Variants in KDM4B observed in about 807,000 individuals in gnomAD.
KDM4B encodes the protein lysine-specific demethylase 4B.
In KDM4B, 32 loss-of-function variants were observed where a neutral mutation model predicts 125.2. The observed-to-expected ratio is 0.26, with a 90% confidence interval of 0.19 to 0.34. KDM4B has a LOEUF of 0.34. Among genes scored for constraint, KDM4B ranks in the 10% least tolerant of loss-of-function variants. The pLI, the probability that KDM4B is intolerant of heterozygous loss-of-function variation, is 1.00. For missense variants in KDM4B, 1,190 were observed against 1,577.7 expected (o/e 0.75, Z 4.16); for synonymous variants, 721 against 677.9 (o/e 1.06, Z -0.99).
chr19:5,002,108 C>T (rs1028249292), intron 1 of KDM4B, among the ~76,000 whole-genome samples: 1 of 152,128 alleles, frequency 6.6e-6, no homozygotes, highest in Non-Finnish European at 1.5e-5. Context: ...AGCAATTCTC[C>T]TGCCTCAGCC....
At chr19:5,133,794 G>A in intron 13 of KDM4B, 89 bp from the exon 14 acceptor site, 1 of 1,406,810 alleles carries the variant, frequency 7.1e-7, no homozygotes, top group East Asian at 2.3e-5. Flanking sequence ...TGTAGACCCG[G>A]GGCCATCCCC....
rs536700624 is a variant in KDM4B, at chr19:5,050,983, C to G, written c.626+3314C>G. On this transcript the variant is annotated intron_variant, in intron 6 of 22. Coordinates refer to ENST00000159111, the MANE Select transcript of KDM4B (RefSeq NM_015015.3). ...TTTAGCCGAGCTGACCCTCCAAGGCCGGTCCTGCGGCTGTTCCCCTCCAGG... is the reference window on the plus strand; with the variant it reads ...TTTAGCCGAGCTGACCCTCCAAGGCGGGTCCTGCGGCTGTTCCCCTCCAGG... Among the ~76,000 whole-genome samples, 669 of 152,304 alleles carry G rather than the reference C, an allele frequency of 4.4e-3. 2 individuals are homozygous for G. The highest frequency in any genetic ancestry group is 8.4e-3 in the Non-Finnish European group (573 of 68,018).
intron 1 of KDM4B, among the ~76,000 whole-genome samples, chr19:4,994,441 T>A (rs1237795443): frequency 1.3e-5 from 2 of 151,908 alleles, no homozygotes; most frequent in Non-Finnish European, 2.9e-5. Flanking sequence ...CGCATGCCTG[T>A]AGTCCCAGCT....
chr19:5,151,618 G>C lies in KDM4B; in HGVS notation c.*107G>C. ...TCCTCGTGTCCCCGACCCCCGAGAG[G>C]CCACCTCCAAGCCGCGGGTGCCCCC... is the stretch of plus-strand genomic sequence containing the variant. On this transcript the variant is annotated 3_prime_UTR_variant, in exon 23 of 23. Coordinates refer to ENST00000159111, the MANE Select transcript of KDM4B (RefSeq NM_015015.3). 9.4e-7 allele frequency: 1 copy of C among 1,058,486 alleles called. No individual in the cohort carries two copies. Among genetic ancestry groups the C allele is most frequent in the Non-Finnish European group, 1.2e-6 (1 of 822,704 alleles). 65.6% of individuals were successfully genotyped at this position (1,058,486 alleles called of 1,614,324 possible). A position where few individuals can be genotyped will look rare whatever the true frequency, so the allele number is the denominator to read the frequency against.
chr19:5,110,404 C>T (rs543963459), intron 9 of KDM4B, among the ~76,000 whole-genome samples: 14 of 151,412 alleles, frequency 9.2e-5, no homozygotes, highest in African/African-American at 1.7e-4. Context: ...CCTGAGAGGT[C>T]GAGGCTACAA....
At chr19:4,974,167 G>A (rs2034361297) in intron 1 of KDM4B, among the ~76,000 whole-genome samples, 1 of 151,970 alleles carries the variant, frequency 6.6e-6, no homozygotes, top group Non-Finnish European at 1.5e-5. Flanking sequence ...GGGAGCCAAG[G>A]CGGGCAGATC....
At chr19:4,973,832 A>G (rs2034345488) in intron 1 of KDM4B, among the ~76,000 whole-genome samples, 1 of 150,428 alleles carries the variant, frequency 6.6e-6, no homozygotes, top group African/African-American at 2.4e-5. Flanking sequence ...ATTAAAAAAA[A>G]AAAAAAAAAA....
intron 2 of KDM4B, among the ~76,000 whole-genome samples, chr19:5,020,133 G>A (rs2036061675): frequency 9.0e-6 from 1 of 110,886 alleles, no homozygotes; most frequent in African/African-American, 2.7e-5. Context: ...GCAGGTGTTG[G>A]TGTGGATGTT....
At chr19:5,113,707 AGG>A (rs1387852770) in intron 10 of KDM4B, among the ~76,000 whole-genome samples, 9 of 152,116 alleles carry the variant, frequency 5.9e-5, no homozygotes, top group Non-Finnish European at 1.0e-4. Flanking sequence ...ACTCCATGCC[AGG>A]AGTGCCCCAA....
At chr19:4,983,925 C>A (rs571651784) in intron 1 of KDM4B, among the ~76,000 whole-genome samples, 26 of 152,136 alleles carry the variant, frequency 1.7e-4, no homozygotes, top group Admixed American at 3.3e-4. Context: ...GTGGGGGTGG[C>A]TCTGCAGGTC....
At chr19:5,052,974 C>T (rs914298842) in intron 6 of KDM4B, among the ~76,000 whole-genome samples, 14 of 152,228 alleles carry the variant, frequency 9.2e-5, no homozygotes, top group Non-Finnish European at 1.5e-4. Flanking sequence ...TCCTCCCAGC[C>T]GCTTTGCTCT....
intron 8 of KDM4B, 100 bp downstream of exon 8, chr19:5,077,570 G>A: frequency 9.8e-7 from 1 of 1,023,686 alleles, no homozygotes; most frequent in Admixed American, 1.9e-5. Flanking sequence ...TTTAACCCTG[G>A]AGAAGTTTCT....
chr19:5,001,291 T>C (rs1033179567), intron 1 of KDM4B, among the ~76,000 whole-genome samples: 2 of 152,134 alleles, frequency 1.3e-5, no homozygotes, highest in Admixed American at 1.3e-4. Flanking sequence ...CCCAAAGTGC[T>C]GGAATTACAG....
At chr19:5,014,050 C>G (rs887955317) in intron 1 of KDM4B, among the ~76,000 whole-genome samples, 2 of 152,314 alleles carry the variant, frequency 1.3e-5, no homozygotes, top group South Asian at 4.1e-4. Flanking sequence ...ATATGGAAGT[C>G]GGGTGAATGA....
chr19:5,119,625 C>T (rs1404210619), intron 10 of KDM4B, 28 bp from the exon 11 acceptor site: 19 of 1,548,270 alleles, frequency 1.2e-5, no homozygotes, highest in Non-Finnish European at 1.5e-5. Context: ...CTGGTCTCCC[C>T]TCCTGCCTGA....
At chr19:4,978,335 C>T (rs1204298665) in intron 1 of KDM4B, among the ~76,000 whole-genome samples, 1 of 151,590 alleles carries the variant, frequency 6.6e-6, no homozygotes, top group African/African-American at 2.4e-5. Flanking sequence ...GGTGAAACCC[C>T]ATCTCTACTA....
At chr19:5,055,867 A>G (rs2037378956) in intron 6 of KDM4B, among the ~76,000 whole-genome samples, 1 of 152,140 alleles carries the variant, frequency 6.6e-6, no homozygotes, top group South Asian at 2.1e-4. Flanking sequence ...AGAGTTCCCC[A>G]CCGGGTTCCC....
At chr19:5,123,359 G>C (rs964267388) in intron 11 of KDM4B, among the ~76,000 whole-genome samples, 3 of 152,230 alleles carry the variant, frequency 2.0e-5, no homozygotes, top group African/African-American at 7.2e-5. Flanking sequence ...ACCTCTCCCA[G>C]GCCCCTTTCC....
intron 5 of KDM4B, among the ~76,000 whole-genome samples, chr19:5,045,702 T>C (rs1203700091): frequency 2.0e-5 from 3 of 152,316 alleles, no homozygotes; most frequent in Admixed American, 2.0e-4. Context: ...CTCAATCTCT[T>C]GACTTCGTGA....
Sources: gnomAD v4.1 joint callset for allele counts (sites outside exome capture counted in the v4.1 genomes callset) on GRCh38, gnomAD v4.1.1 for gene constraint, MANE v1.5 for transcripts, NCBI Gene and HGNC (gene_info 2026-07-23, HGNC 2026-07-21) for gene names.